The following PUM2 variants were observed in gnomAD, a reference collection of about 807,000 sequenced individuals.
PUM2 encodes the protein pumilio homolog 2.
Under a neutral mutation model 124.5 loss-of-function variants are expected in PUM2, and 57 were observed. The observed-to-expected ratio is 0.46, with a 90% CI of 0.37 to 0.57. The LOEUF (loss-of-function observed/expected upper bound fraction) is 0.57. Ranked by LOEUF, PUM2 falls within the 20% of genes least tolerant of loss-of-function variation. The probability of loss-of-function intolerance (pLI) is 0.00; values close to 1 mark genes in which losing one functional copy is unlikely to be tolerated. For missense variants in PUM2, 1,065 were observed against 1,290.6 expected (o/e 0.83, Z 2.68); for synonymous variants, 460 against 446.1 (o/e 1.03, Z -0.39).
chr2:20,348,692 G>A (rs1312953148), intron 1 of PUM2, among the ~76,000 whole-genome samples: 4 of 152,074 alleles, frequency 2.6e-5, no homozygotes, highest in Admixed American at 2.0e-4. Context: ...CACTCTGGGA[G>A]GGCGAGGCGG....
chr2:20,282,984 A>C lies in PUM2; in HGVS notation c.1683T>G (p.Ala561=). Reference sequence around the variant, plus strand: ...ATCCACTGAGGGCTGAGCCTATAGCAGCACCCAAAGAGTTACCACTTCCAA... The same window carrying C: ...ATCCACTGAGGGCTGAGCCTATAGCCGCACCCAAAGAGTTACCACTTCCAA... ...LGFGSGNSLG[A]AIGSALSGFG... is the part of the protein sequence containing the mutation. Residue 561 remains alanine, a synonymous_variant, in exon 12 of 21, where the codon GCT becomes GCG. Coordinates refer to ENST00000361078, the MANE Select transcript of PUM2 (RefSeq NM_015317.5). 6.2e-7 allele frequency: 1 copy of C among 1,614,134 alleles called. No homozygotes were observed. Among genetic ancestry groups the C allele is most frequent in the African/African-American group, 1.3e-5 (1 of 75,068 alleles).
chr2:20,284,888 T>C (rs533778852), intron 10 of PUM2, among the ~76,000 whole-genome samples: 1 of 152,326 alleles, frequency 6.6e-6, no homozygotes, highest in East Asian at 1.9e-4. Flanking sequence ...TGATCAAGAA[T>C]AAGCATTAGC....
chr2:20,286,435 C>A (rs1212254066), intron 10 of PUM2, among the ~76,000 whole-genome samples: 2 of 152,162 alleles, frequency 1.3e-5, no homozygotes, highest in Non-Finnish European at 2.9e-5. Context: ...TAAAGATGGA[C>A]ATCATAATTT....
At chr2:20,285,762 T>C (rs2148934498) in intron 10 of PUM2, among the ~76,000 whole-genome samples, 1 of 152,086 alleles carries the variant, frequency 6.6e-6, no homozygotes, top group Middle Eastern at 3.4e-3. Flanking sequence ...TCAAGTGAGA[T>C]AAATGAAAAA....
intron 20 of PUM2, among the ~76,000 whole-genome samples, chr2:20,252,576 G>T (rs1334871990): frequency 6.6e-6 from 1 of 152,152 alleles, no homozygotes; most frequent in African/African-American, 2.4e-5. Flanking sequence ...AATTCATTAA[G>T]ATCAAGAGTA....
intron 3 of PUM2, among the ~76,000 whole-genome samples, chr2:20,312,734 G>T (rs1049369789): frequency 6.6e-6 from 1 of 151,930 alleles, no homozygotes; most frequent in Admixed American, 6.6e-5. Context: ...ATTTCATATG[G>T]AACCAAAAAA....
chr2:20,255,183 T>C (rs766709667), intron 18 of PUM2, 33 bp downstream of exon 18: 12 of 1,563,282 alleles, frequency 7.7e-6, no homozygotes, highest in African/African-American at 4.1e-5. Context: ...TCCAAAAATA[T>C]ATAAACATTT....
rs773613157 is a variant in PUM2 at position 20,312,095 on chromosome 2, C to A, written c.348+141G>T. On this transcript the variant is annotated intron_variant, in intron 4 of 20. Coordinates refer to ENST00000361078, the MANE Select transcript of PUM2 (RefSeq NM_015317.5). Reference sequence around the variant, plus strand: ...ATTTCACGTTTTTCAAGTGGCTAAGCAGAAGAATAGCAATAATAGTTACAA... The same window carrying A: ...ATTTCACGTTTTTCAAGTGGCTAAGAAGAAGAATAGCAATAATAGTTACAA... 5.5e-6 allele frequency: 4 copies of A among 727,502 alleles called. No individual in the cohort carries two copies. The South Asian group carries it at 8.6e-5, about 16-fold the overall frequency. 45.1% of individuals were successfully genotyped at this position (727,502 alleles called of 1,614,324 possible). A position where few individuals can be genotyped will look rare whatever the true frequency, so the allele number is the denominator to read the frequency against.
rs769315401 is a variant in PUM2, at chr2:20,283,235, T to C, written c.1436-4A>G. 5 of 1,610,366 alleles carry C rather than the reference T, an allele frequency of 3.1e-6. No individual in the cohort carries two copies. The highest frequency in any genetic ancestry group is 2.2e-5 in the East Asian group (1 of 44,840). On this transcript the variant is annotated splice_region_variant and splice_polypyrimidine_tract_variant and intron_variant, in intron 11 of 20. Transcript: ENST00000361078. ...CCTCCAGCTGCTGCTGCTGCTGCTG[T>C]AAAATAAATTTCAGATACTTCTTTA... is the stretch of plus-strand genomic sequence containing the variant.
intron 1 of PUM2, among the ~76,000 whole-genome samples, chr2:20,329,697 T>C (rs1483227328): frequency 6.6e-6 from 1 of 152,126 alleles, no homozygotes; most frequent in Non-Finnish European, 1.5e-5. Flanking sequence ...GTCTTAGGGT[T>C]ACAGCGGGCC....
chr2:20,250,283 A>G lies in PUM2; in HGVS notation c.*1302T>C, dbSNP rs533100944. ...AGCTGGTTCATACTTCTGAAACCAT[A>G]TAAAGATAAAAAATTTTTAAAAAAT... On this transcript the variant is annotated 3_prime_UTR_variant, in exon 21 of 21. Coordinates refer to ENST00000361078, the MANE Select transcript of PUM2 (RefSeq NM_015317.5). 3.6e-4 allele frequency: 55 copies of G among 152,716 alleles called. 1 individual carries two copies. Among genetic ancestry groups the G allele is most frequent in the African/African-American group, 1.3e-3 (55 of 41,596 alleles). The allele number at this position is 152,716 out of a possible 1,614,324, so 9.5% of individuals were successfully genotyped here. A position where few individuals can be genotyped will look rare whatever the true frequency, so the allele number is the denominator to read the frequency against.
intron 2 of PUM2, chr2:20,326,437 C>T: frequency 7.7e-7 from 1 of 1,301,352 alleles, no homozygotes; most frequent in Non-Finnish European, 1.0e-6. Flanking sequence ...CTCTATTCTA[C>T]CAAGGTAAAA....
At chr2:20,280,937 A>G (rs1409791523) in intron 12 of PUM2, among the ~76,000 whole-genome samples, 3 of 152,198 alleles carry the variant, frequency 2.0e-5, no homozygotes. Context: ...AAAATGGGGT[A>G]TTTAACACTG....
At chr2:20,288,869 C>G (rs1673336695) in intron 10 of PUM2, among the ~76,000 whole-genome samples, 1 of 152,206 alleles carries the variant, frequency 6.6e-6, no homozygotes, top group Admixed American at 6.5e-5. Context: ...ATCATGTGAA[C>G]AGCCCAAAAG....
At chr2:20,258,405 A>C in intron 15 of PUM2, 34 bp from the exon 16 acceptor site, 1 of 1,599,732 alleles carries the variant, frequency 6.3e-7, no homozygotes, top group East Asian at 2.2e-5. Context: ...ATAACAAGTG[A>C]CCTTAATATT....
At position 20,250,609 on chromosome 2, in the gene PUM2, T is replaced by C. The variant is rs1240001121; in HGVS notation, c.*976A>G. On this transcript the variant is annotated 3_prime_UTR_variant, in exon 21 of 21. Coordinates refer to ENST00000361078, the MANE Select transcript of PUM2 (RefSeq NM_015317.5). ...GAAAGCAAAAAGAGCTATCTGAATA[T>C]GTAATCATGCTTAAATGCTGAGCTA... The C allele has an allele frequency of 6.6e-6, 1 of 152,190 alleles. No homozygotes were observed. The highest frequency in any genetic ancestry group is 1.9e-4 in the East Asian group (1 of 5,196). The allele number at this position is 152,190 out of a possible 1,614,324, so 9.4% of individuals were successfully genotyped here.
At chr2:20,331,065 A>C (rs983854404) in intron 1 of PUM2, among the ~76,000 whole-genome samples, 21 of 151,836 alleles carry the variant, frequency 1.4e-4, no homozygotes, top group African/African-American at 5.1e-4. Flanking sequence ...TGGTGTCAGA[A>C]GTGGGATTTG....
At chr2:20,280,312 T>A (rs1671214496) in intron 12 of PUM2, among the ~76,000 whole-genome samples, 1 of 152,184 alleles carries the variant, frequency 6.6e-6, no homozygotes, top group Admixed American at 6.5e-5. Context: ...TTTTAAGATA[T>A]CATAGTAAGA....
At chr2:20,265,077 A>T (rs953600779) in intron 13 of PUM2, among the ~76,000 whole-genome samples, 1 of 151,700 alleles carries the variant, frequency 6.6e-6, no homozygotes, top group Admixed American at 6.6e-5. Flanking sequence ...GTGAAATCCC[A>T]CCTCTACTAA....
Sources: gnomAD v4.1 joint callset for allele counts (sites outside exome capture counted in the v4.1 genomes callset) on GRCh38, gnomAD v4.1.1 for gene constraint, MANE v1.5 for transcripts, NCBI Gene and HGNC (gene_info 2026-07-23, HGNC 2026-07-21) for gene names.